The following CACNA1S variants were observed in gnomAD, a reference collection of about 807,000 sequenced individuals.
The protein encoded by CACNA1S is voltage-dependent L-type calcium channel subunit alpha-1S.
CACNA1S carries 126 observed loss-of-function variants against 207.4 expected under a neutral mutation model. That is an observed-to-expected ratio of 0.61 (90% confidence interval 0.53 to 0.70). The LOEUF (loss-of-function observed/expected upper bound fraction) is 0.70, where lower values mean the gene tolerates loss of function less well. CACNA1S is among the 30% of genes least tolerant of loss of function. The probability of loss-of-function intolerance (pLI) is 0.00; values close to 1 mark genes in which losing one functional copy is unlikely to be tolerated. For synonymous variants in CACNA1S, 960 were observed against 932.7 expected, an observed-to-expected ratio of 1.03 and a Z score of -0.53; for missense variants, 2,349 against 2,422.8, an observed-to-expected ratio of 0.97 and a Z score of 0.64.
At chr1:201,088,157 C>G (rs998958077) in intron 6 of CACNA1S, among the ~76,000 whole-genome samples, 1 of 152,170 alleles carries the variant, frequency 6.6e-6, no homozygotes, top group African/African-American at 2.4e-5. Flanking sequence ...TGACTGCCTA[C>G]CTGGCCCGGG....
At position 201,065,828 on chromosome 1, in the gene CACNA1S, T is replaced by A; in HGVS notation, c.2853+10A>T. 1 of 1,605,378 alleles carries A rather than the reference T, an allele frequency of 6.2e-7. No individual in the cohort carries two copies. On this transcript the variant is annotated intron_variant, in intron 22 of 43. Transcript: ENST00000362061. ...GGGAGGGGGAGCTGCTCGCGCAGGC[T>A]GGGGCTCACCTTGAAGAGCTGGACG... is the stretch of plus-strand genomic sequence containing the variant.
chr1:201,052,523 C>T lies in CACNA1S; in HGVS notation c.3953+34G>A, dbSNP rs200413396. 2.9e-5 allele frequency: 40 copies of T among 1,373,086 alleles called. No individual in the cohort carries two copies. The Middle Eastern group carries it at 1.0e-3, about 35-fold the overall frequency. The allele number at this position is 1,373,086 out of a possible 1,614,324, so 85.1% of individuals were successfully genotyped here. On this transcript the variant is annotated intron_variant, in intron 32 of 43. Transcript: ENST00000362061. ...ACAGAGCAAAGGCTGGACTGGTCAG[C>T]GGGGTAGGGGTGGGGGTGGCGGGAG...
rs1660713292 is a variant in CACNA1S, at chr1:201,053,130, C to G, written c.3861+79G>C. ...CGGAGGGTCCAGCCCGTGTGCTGCT[C>G]AGGCTCCTCAGGGTCCACTGATGCC... On this transcript the variant is annotated intron_variant, in intron 31 of 43. Transcript: ENST00000362061. The surrounding 1 kb of genome is among the most constrained non-coding windows in gnomAD (Gnocchi z 5.1). 9 of 1,516,470 alleles carry G rather than the reference C, an allele frequency of 5.9e-6. No homozygotes were observed. Among genetic ancestry groups the G allele is most frequent in the Non-Finnish European group, 8.2e-6 (9 of 1,091,190 alleles). 93.9% of individuals were successfully genotyped at this position (1,516,470 alleles called of 1,614,324 possible).
Position 201,061,990 on chromosome 1 carries a change from C to A in CACNA1S, c.3007G>T (p.Ala1003Ser). 1 of 1,614,218 alleles carries A rather than the reference C, an allele frequency of 6.2e-7. No homozygotes were observed. The highest frequency in any genetic ancestry group is 8.5e-7 in the Non-Finnish European group (1 of 1,180,028). ...SDFHFDNVLS[A>S]MMSLFTVSTF... ...GAGACCGTGAAGAGGGACATCATGG[C>A]TGAGAGCACATTGTCGAAGTGGAAG... The change falls in exon 24 of 44, where the codon GCC becomes TCC. Residue 1003 changes from alanine (A) to serine (S), a missense_variant. Coordinates refer to ENST00000362061, the MANE Select transcript of CACNA1S (RefSeq NM_000069.3).
At chr1:201,063,307 T>G (rs1661135808) in intron 22 of CACNA1S, among the ~76,000 whole-genome samples, 1 of 151,822 alleles carries the variant, frequency 6.6e-6, no homozygotes, top group Admixed American at 6.6e-5. Context: ...GGTCTTTTTT[T>G]TTTTTGTTTG....
In CACNA1S at chr1:201,053,318, CTG is replaced by C; in HGVS notation, c.3796-46_3796-45del. On this transcript the variant is annotated intron_variant, in intron 30 of 43. Transcript: ENST00000362061. This position sits in a 1 kb window ranked among gnomAD's most constrained non-coding sequence, Gnocchi z 5.1. ...CGCCAGTCAGTGTCTTAGGGCTCCA[CTG>C]TGTGTCTGCAGCCCTGCCCTCTGTT... 1 of 1,610,986 alleles carries C rather than the reference CTG, an allele frequency of 6.2e-7. No individual in the cohort carries two copies. Among genetic ancestry groups the C allele is most frequent in the South Asian group, 1.1e-5 (1 of 90,980 alleles).
chr1:201,052,710 C>A, intron 31 of CACNA1S, 62 bp from the exon 32 acceptor site: 1 of 1,348,858 alleles, frequency 7.4e-7, no homozygotes, highest in Non-Finnish European at 1.1e-6. Flanking sequence ...CAGCTTATCC[C>A]CCACTGCCTT....
intron 32 of CACNA1S, 92 bp from the exon 33 acceptor site, chr1:201,051,235 G>C: frequency 8.0e-7 from 1 of 1,242,294 alleles, no homozygotes; most frequent in Non-Finnish European, 1.2e-6. Flanking sequence ...GTGGACAGAT[G>C]AGCAAACTGG....
intron 2 of CACNA1S, among the ~76,000 whole-genome samples, chr1:201,108,643 C>A (rs1336487984): frequency 1.3e-5 from 2 of 152,152 alleles, no homozygotes; most frequent in African/African-American, 4.8e-5. Flanking sequence ...ACTCTCCTTC[C>A]ACACTCAGGA....
intron 39 of CACNA1S, 73 bp downstream of exon 39, chr1:201,044,255 C>A: frequency 3.8e-6 from 6 of 1,597,868 alleles, no homozygotes; most frequent in Non-Finnish European, 5.1e-6. Flanking sequence ...GCTGGGCTCC[C>A]AGCCCTCCTC....
intron 40 of CACNA1S, chr1:201,043,061 G>T: frequency 1.8e-6 from 1 of 558,660 alleles, no homozygotes; most frequent in South Asian, 2.0e-5. Context: ...CTCAACACTG[G>T]GGCCAATACT....
chr1:201,092,417 G>C (rs1181444444), intron 3 of CACNA1S, among the ~76,000 whole-genome samples: 1 of 152,140 alleles, frequency 6.6e-6, no homozygotes, highest in Non-Finnish European at 1.5e-5. Context: ...CCCTGGCCCT[G>C]GGGCTGAGTA....
intron 15 of CACNA1S, 54 bp downstream of exon 15, chr1:201,073,495 A>G: frequency 1.4e-6 from 2 of 1,403,572 alleles, no homozygotes; most frequent in South Asian, 1.1e-5. Flanking sequence ...GAAGGGAACC[A>G]TGGATTGGAA....
Position 201,066,421 on chromosome 1 carries a change from C to T in CACNA1S, c.2658-105G>A. 1 of 1,008,890 alleles carries T rather than the reference C, an allele frequency of 9.9e-7. No homozygotes were observed. 62.5% of individuals were successfully genotyped at this position (1,008,890 alleles called of 1,614,324 possible). A position where few individuals can be genotyped will look rare whatever the true frequency, so the allele number is the denominator to read the frequency against. ...CCTGCCCTCCACACCAGCTGCCTTT[C>T]TGCCTGAAAACACTCCCACCTTCCC... On this transcript the variant is annotated intron_variant, in intron 20 of 43. Transcript: ENST00000362061. This position sits in a 1 kb window ranked among gnomAD's most constrained non-coding sequence, Gnocchi z 4.3.
chr1:201,080,264 C>G (rs1661794867), intron 10 of CACNA1S, among the ~76,000 whole-genome samples: 1 of 152,162 alleles, frequency 6.6e-6, no homozygotes, highest in African/African-American at 2.4e-5. Context: ...AGACAAAGCT[C>G]AGGGATACTG....
chr1:201,097,107 T>G (rs1157576562), intron 2 of CACNA1S, among the ~76,000 whole-genome samples: 2 of 151,954 alleles, frequency 1.3e-5, no homozygotes, highest in Non-Finnish European at 2.9e-5. Context: ...GTCCAGCAGG[T>G]CCGGGCCATT....
At chr1:201,112,116 T>G in intron 1 of CACNA1S, 72 bp downstream of exon 1, 2 of 1,489,870 alleles carry the variant, frequency 1.3e-6, no homozygotes, top group East Asian at 4.6e-5. Context: ...AGGAAGTTTG[T>G]GCTCTGTGAT....
At chr1:201,059,586 C>T (rs1660970881) in intron 26 of CACNA1S, among the ~76,000 whole-genome samples, 1 of 152,252 alleles carries the variant, frequency 6.6e-6, no homozygotes, top group African/African-American at 2.4e-5. Flanking sequence ...ACATGCAGGG[C>T]TGCAAGGCCA....
chr1:201,049,730 G>A (rs867693209), intron 34 of CACNA1S, among the ~76,000 whole-genome samples: 5 of 152,200 alleles, frequency 3.3e-5, no homozygotes, highest in South Asian at 2.1e-4. Flanking sequence ...GGACCTGTGG[G>A]TGGCTGGTAG....
Sources: allele counts gnomAD v4.1 joint callset (sites outside exome capture counted in the v4.1 genomes callset), GRCh38; gene constraint gnomAD v4.1.1; non-coding constraint Gnocchi (gnomAD v3.1); transcripts MANE v1.5; gene names NCBI Gene and HGNC (gene_info 2026-07-23, HGNC 2026-07-21).